IL6: variants seen among roughly 807,000 people sequenced by gnomAD.
The protein encoded by IL6 is interleukin 6.
A neutral mutation model predicts 18.0 loss-of-function variants in IL6; 5 were observed. The observed-to-expected ratio is 0.28, with a 90% confidence interval of 0.15 to 0.58. The LOEUF is 0.58. Among genes scored for constraint, IL6 ranks in the 20% least tolerant of loss-of-function variants. The pLI is 0.90. For missense variants in IL6, 266 were observed against 251.0 expected (o/e 1.06, Z -0.40); for synonymous variants, 97 against 95.1 (o/e 1.02, Z -0.12).
rs2069849 is a variant in IL6, at chr7:22,731,537, C to T, written c.603C>T (p.Phe201=). The T allele has an allele frequency of 0.033, 52,638 of 1,605,788 alleles. 1,687 individuals carry two copies. Among genetic ancestry groups the T allele is most frequent in the African/African-American group, 0.15 (11,064 of 74,890 alleles). Residue 201 remains phenylalanine, a synonymous_variant, in exon 5 of 5, where the codon TTC becomes TTT. Transcript: ENST00000258743. ...THLILRSFKE[F]LQSSLRALRQ... ...TCATTCTGCGCAGCTTTAAGGAGTT[C>T]CTGCAGTCCAGCCTGAGGGCTCTTC...
chr7:22,729,567 A>G lies in IL6; in HGVS notation c.378A>G (p.Leu126=), dbSNP rs1168274935. 1 of 1,614,000 alleles carries G rather than the reference A, an allele frequency of 6.2e-7. No homozygotes were observed. The highest frequency in any genetic ancestry group is 2.2e-5 in the East Asian group (1 of 44,884). ...GTCTTTTGGAGTTTGAGGTATACCT[A>G]GAGTACCTCCAGAACAGATTTGAGA... ...ITGLLEFEVY[L]EYLQNRFESS... is the part of the protein sequence containing the mutation. The change falls in exon 4 of 5, where the codon CTA becomes CTG. Residue 126 remains leucine (L), a synonymous_variant. Transcript: ENST00000258743.
chr7:22,727,673 G>C (rs376544985), intron 2 of IL6, 39 bp downstream of exon 2: 7 of 1,521,842 alleles, frequency 4.6e-6, no homozygotes, highest in Non-Finnish European at 6.2e-6. Context: ...GGCCCGGTGC[G>C]CATGCGTTCC....
rs1784129234 is a variant in IL6, at chr7:22,731,726, A to G, written c.*153A>G. 1 of 380,132 alleles carries G rather than the reference A, an allele frequency of 2.6e-6. No homozygotes were observed. Among genetic ancestry groups the G allele is most frequent in the Non-Finnish European group, 4.4e-6 (1 of 225,146 alleles). The allele number at this position is 380,132 out of a possible 1,614,324, so 23.5% of individuals were successfully genotyped here. A position where few individuals can be genotyped will look rare whatever the true frequency, so the allele number is the denominator to read the frequency against. On this transcript the variant is annotated 3_prime_UTR_variant, in exon 5 of 5. Coordinates refer to ENST00000258743, the MANE Select transcript of IL6 (RefSeq NM_000600.5). ...AATTATTTTTAATTTATTAATATTTAAATATGTGAAGCTGAGTTAATTTAT... is the reference window on the plus strand; with the variant it reads ...AATTATTTTTAATTTATTAATATTTGAATATGTGAAGCTGAGTTAATTTAT...
intron 4 of IL6, 123 bp downstream of exon 4, chr7:22,729,783 C>G: frequency 6.4e-7 from 1 of 1,561,944 alleles, no homozygotes; most frequent in Non-Finnish European, 8.7e-7. Context: ...ACAAAAGAGT[C>G]TGAGAAATAG....
chr7:22,727,543 C>T lies in IL6; in HGVS notation c.119C>T (p.Ala40Val), dbSNP rs1360685977. 2 of 1,612,054 alleles carry T rather than the reference C, an allele frequency of 1.2e-6. No individual in the cohort carries two copies. The highest frequency in any genetic ancestry group is 1.7e-6 in the Non-Finnish European group (2 of 1,179,222). ...CCAGGAGAAGATTCCAAAGATGTAG[C>T]CGCCCCACACAGACAGCCACTCACC... is the stretch of plus-strand genomic sequence containing the variant. Reference protein sequence around the residue: ...VPPGEDSKDVAAPHRQPLTSS... With the variant: ...VPPGEDSKDVVAPHRQPLTSS... The change falls in exon 2 of 5, where the codon GCC (alanine) becomes GTC (valine). Residue 40 changes from alanine to valine, a missense_variant. By Grantham distance (64) the Ala-to-Val change is moderately conservative (BLOSUM62 0). Transcript: ENST00000258743.
chr7:22,727,936 G>A (rs1349965737), intron 2 of IL6, among the ~76,000 whole-genome samples: 2 of 152,132 alleles, frequency 1.3e-5, no homozygotes, highest in African/African-American at 4.8e-5. Flanking sequence ...GGTCTGTGAA[G>A]CTCCTTTTTG....
intron 4 of IL6, chr7:22,730,071 G>C (rs1211879430): frequency 1.8e-4 from 175 of 985,270 alleles, no homozygotes; most frequent in Non-Finnish European, 2.0e-4. Flanking sequence ...CACTGTGGTT[G>C]TTTCAATTCT....
chr7:22,731,278 G>A (rs1784119139), intron 4 of IL6, 128 bp from the exon 5 acceptor site: 1 of 639,278 alleles, frequency 1.6e-6, no homozygotes, highest in South Asian at 3.4e-5. Context: ...CTCAGAGCAG[G>A]CACCCCAGTT....
rs200211722 is a variant in IL6 at position 22,728,820 on chromosome 7, G to A, written c.324+14G>A. ...GGATTCAATGAGGTACCAACTTGTC[G>A]CACTCACTTTTCACTATTCCTTAGG... On this transcript the variant is annotated intron_variant, in intron 3 of 4. Transcript: ENST00000258743. The A allele has an allele frequency of 4.3e-4, 624 of 1,468,216 alleles. 1 individual carries two copies. Among genetic ancestry groups the A allele is most frequent in the Non-Finnish European group, 5.4e-4 (568 of 1,047,370 alleles). The allele number at this position is 1,468,216 out of a possible 1,614,324, so 90.9% of individuals were successfully genotyped here. A position where few individuals can be genotyped will look rare whatever the true frequency, so the allele number is the denominator to read the frequency against.
At chr7:22,728,941 T>C (rs2128174508) in intron 3 of IL6, 135 bp downstream of exon 3, 2 of 644,484 alleles carry the variant, frequency 3.1e-6, no homozygotes, top group East Asian at 2.7e-5. Flanking sequence ...GTAAATTTCA[T>C]GAGGAGGCCA....
At position 22,731,588 on chromosome 7, in the gene IL6, ATTG is replaced by A. The variant is rs760390706; in HGVS notation, c.*24_*26del. On this transcript the variant is annotated 3_prime_UTR_variant, in exon 5 of 5. Coordinates refer to ENST00000258743, the MANE Select transcript of IL6 (RefSeq NM_000600.5). ...GGCAAATGTAGCATGGGCACCTCAGATTGTTGTTGTTAATGGGCATTCCTTCTT... is the reference window on the plus strand; with the variant it reads ...GGCAAATGTAGCATGGGCACCTCAGATTGTTGTTAATGGGCATTCCTTCTT... 12 of 1,564,664 alleles carry A rather than the reference ATTG, an allele frequency of 7.7e-6. No individual in the cohort carries two copies. The highest frequency in any genetic ancestry group is 1.2e-5 in the South Asian group (1 of 84,612).
chr7:22,729,606 A>C lies in IL6; in HGVS notation c.417A>C (p.Gln139His). Residue 139 changes from glutamine (Q) to histidine (H), a missense_variant, in exon 4 of 5, where the codon CAA becomes CAC. Coordinates refer to ENST00000258743, the MANE Select transcript of IL6 (RefSeq NM_000600.5). ...ACAGATTTGAGAGTAGTGAGGAACA[A>C]GCCAGAGCTGTGCAGATGAGTACAA... is the stretch of plus-strand genomic sequence containing the variant. Reference protein sequence around the residue: ...LQNRFESSEEQARAVQMSTKV... With the variant: ...LQNRFESSEEHARAVQMSTKV... The C allele has an allele frequency of 6.2e-7, 1 of 1,614,170 alleles. No individual in the cohort carries two copies. The highest frequency in any genetic ancestry group is 1.1e-5 in the South Asian group (1 of 91,082).
In IL6 at chr7:22,731,680, T is replaced by C; in HGVS notation, c.*107T>C. On this transcript the variant is annotated 3_prime_UTR_variant, in exon 5 of 5. Coordinates refer to ENST00000258743, the MANE Select transcript of IL6 (RefSeq NM_000600.5). The stretch of plus-strand genomic sequence containing the variant: ...TGTTCTCTATGGAGAACTAAAAGTA[T>C]GAGCGTTAGGACACTATTTTAATTA... 1.6e-6 allele frequency: 1 copy of C among 611,276 alleles called. No homozygotes were observed. Among genetic ancestry groups the C allele is most frequent in the Non-Finnish European group, 2.5e-6 (1 of 403,816 alleles). The allele number at this position is 611,276 out of a possible 1,614,324, so 37.9% of individuals were successfully genotyped here.
At chr7:22,729,936 A>C in intron 4 of IL6, 5 of 1,327,150 alleles carry the variant, frequency 3.8e-6, no homozygotes, top group Non-Finnish European at 1.9e-6. Context: ...AAGAGATTTA[A>C]AACCAAAGGC....
intron 4 of IL6, among the ~76,000 whole-genome samples, chr7:22,730,679 G>A (rs1204920486): frequency 2.0e-5 from 3 of 152,080 alleles, no homozygotes; most frequent in African/African-American, 7.2e-5. Context: ...TATGTGCCAG[G>A]CATTATTTCA....
chr7:22,728,843 A>C (rs202197172), intron 3 of IL6, 37 bp downstream of exon 3: 32 of 1,201,280 alleles, frequency 2.7e-5, no homozygotes, highest in Admixed American at 3.4e-5. Flanking sequence ...ACTATTCCTT[A>C]GGCAAAACTT....
intron 3 of IL6, 53 bp from the exon 4 acceptor site, chr7:22,729,461 A>G (rs1784081429): frequency 6.4e-7 from 1 of 1,561,184 alleles, no homozygotes; most frequent in South Asian, 1.2e-5. Context: ...TAACTTTTCA[A>G]ATTGATTCTA....
rs778836162 is a variant in IL6 at position 22,731,422 on chromosome 7, C to T, written c.488C>T (p.Ala163Val). The change falls in exon 5 of 5, where the codon GCA (alanine) becomes GTA (valine). Residue 163 changes from alanine to valine, a missense_variant. Transcript: ENST00000258743. Reference protein sequence around the residue: ...FLQKKAKNLDAITTPDPTTNA... With the variant: ...FLQKKAKNLDVITTPDPTTNA... ...TTCCTTCAGGCAAAGAATCTAGATG[C>T]AATAACCACCCCTGACCCAACCACA... 6.4e-7 allele frequency: 1 copy of T among 1,574,526 alleles called. No homozygotes were observed. Among genetic ancestry groups the T allele is most frequent in the Non-Finnish European group, 8.7e-7 (1 of 1,155,940 alleles).
chr7:22,727,808 T>A (rs1041907657), intron 2 of IL6, among the ~76,000 whole-genome samples, 174 bp downstream of exon 2: 3 of 152,172 alleles, frequency 2.0e-5, no homozygotes, highest in Admixed American at 2.0e-4. Flanking sequence ...TTTGCTGGTG[T>A]CAGGAAGTTC....
Sources: allele counts gnomAD v4.1 joint callset (sites outside exome capture counted in the v4.1 genomes callset), GRCh38; gene constraint gnomAD v4.1.1; transcripts MANE v1.5; gene names NCBI Gene and HGNC (gene_info 2026-07-23, HGNC 2026-07-21).